Variants in KCNQ1 observed in about 807,000 individuals in gnomAD.
KCNQ1 encodes the protein potassium voltage-gated channel subfamily KQT member 1.
In KCNQ1, 49 loss-of-function variants were observed where a neutral mutation model predicts 72.4. The ratio of observed to expected loss-of-function variants is 0.68; its 90% CI spans 0.54 to 0.86. The LOEUF (loss-of-function observed/expected upper bound fraction) is 0.86, where lower values mean the gene tolerates loss of function less well. Among genes scored for constraint, KCNQ1 ranks in the 40% least tolerant of loss-of-function variants. KCNQ1 has a pLI of 0.00. For missense variants in KCNQ1, 790 were observed against 945.1 expected (o/e 0.84, Z 2.15); for synonymous variants, 450 against 412.6 (o/e 1.09, Z -1.10).
rs534559378 is a variant in KCNQ1, at chr11:2,671,020, G to A, written c.1514+8939G>A. 655 of 398,644 alleles carry A rather than the reference G, an allele frequency of 1.6e-3. 2 individuals are homozygous for A. Among genetic ancestry groups the A allele is most frequent in the Non-Finnish European group, 2.2e-3 (503 of 226,078 alleles). 24.7% of individuals were successfully genotyped at this position (398,644 alleles called of 1,614,324 possible). A position where few individuals can be genotyped will look rare whatever the true frequency, so the allele number is the denominator to read the frequency against. On this transcript the variant is annotated intron_variant, in intron 11 of 15. Transcript: ENST00000155840. The surrounding 1 kb of genome is among the most constrained non-coding windows in gnomAD (Gnocchi z 4.7). Reference sequence around the variant, plus strand: ...ATATGTGGGCCCTGTTAGGGACAACGTAGGTGTCCTGGGCAGGGGCTGTAT... The same window carrying A: ...ATATGTGGGCCCTGTTAGGGACAACATAGGTGTCCTGGGCAGGGGCTGTAT...
rs560313178 is a variant in KCNQ1 at position 2,596,944 on chromosome 11, C to G, written c.1393+8090C>G. On this transcript the variant is annotated intron_variant, in intron 10 of 15. Transcript: ENST00000155840. ...ACTGAAAATAATTTTTTATTGATAA[C>G]CTAAAGAAACCAGTTGCCACTCACC... Among the ~76,000 whole-genome samples the G allele has an allele frequency of 1.1e-4, 16 of 151,410 alleles. No individual in the cohort carries two copies. The East Asian group carries it at 2.5e-3, about 24-fold the overall frequency.
At chr11:2,795,876 C>T (rs1448862938) in intron 15 of KCNQ1, among the ~76,000 whole-genome samples, 1 of 152,172 alleles carries the variant, frequency 6.6e-6, no homozygotes, top group Non-Finnish European at 1.5e-5. Context: ...GGGGCGGGGG[C>T]CGGGGGAACA....
At chr11:2,692,889 C>A (rs1850611307) in intron 11 of KCNQ1, 7 of 398,202 alleles carry the variant, frequency 1.8e-5, no homozygotes, top group Non-Finnish European at 3.1e-5. Flanking sequence ...GTAGATGCAG[C>A]AAGCTGGCTA....
chr11:2,566,527 G>C lies in KCNQ1; in HGVS notation c.478-4101G>C, dbSNP rs1848250594. ...CATTATGTGGGTCTGTGTTTGCTCT[G>C]TGCACGTCTCGGTGCCCAGATCTGA... is the stretch of plus-strand genomic sequence containing the variant. On this transcript the variant is annotated intron_variant, in intron 2 of 15. Coordinates refer to ENST00000155840, the MANE Select transcript of KCNQ1 (RefSeq NM_000218.3). The surrounding 1 kb of genome is among the most constrained non-coding windows in gnomAD (Gnocchi z 6.7). 2.0e-5 allele frequency among the ~76,000 whole-genome samples: 3 copies of C among 152,046 alleles called. No individual in the cohort carries two copies.
chr11:2,622,804 C>T (rs1009796991), intron 10 of KCNQ1: 9 of 398,526 alleles, frequency 2.3e-5, no homozygotes, highest in Non-Finnish European at 4.0e-5. Context: ...TGCACCCATA[C>T]ATACAGAGCT....
At chr11:2,779,352 G>A (rs956512928) in intron 15 of KCNQ1, among the ~76,000 whole-genome samples, 1 of 152,212 alleles carries the variant, frequency 6.6e-6, no homozygotes, top group Non-Finnish European at 1.5e-5. Context: ...CAGTACAGCA[G>A]GGCCGGGTAC....
chr11:2,640,918 C>G lies in KCNQ1; in HGVS notation c.1394-21043C>G, dbSNP rs758637364. On this transcript the variant is annotated intron_variant, in intron 10 of 15. Transcript: ENST00000155840. ...TTATAGCTCCCACATATGATAATAA[C>G]ATAAGATAATTATCTTTCTGTGCCT... is the stretch of plus-strand genomic sequence containing the variant. 1.2e-4 allele frequency: 48 copies of G among 399,436 alleles called. No individual in the cohort carries two copies. The Middle Eastern group carries it at 1.7e-3, about 14-fold the overall frequency. 24.7% of individuals were successfully genotyped at this position (399,436 alleles called of 1,614,324 possible). A position where few individuals can be genotyped will look rare whatever the true frequency, so the allele number is the denominator to read the frequency against.
At chr11:2,719,331 CAA>C (rs34225799) in intron 11 of KCNQ1, among the ~76,000 whole-genome samples, 3 of 125,986 alleles carry the variant, frequency 2.4e-5, no homozygotes. Flanking sequence ...CTGTCTCTAC[CAA>C]AAAAAAAAAA....
chr11:2,676,693 A>ACAGCC lies in KCNQ1; in HGVS notation c.1514+14613_1514+14617dup. 2.5e-6 allele frequency: 1 copy of ACAGCC among 398,658 alleles called. No individual in the cohort carries two copies. The highest frequency in any genetic ancestry group is 4.4e-6 in the Non-Finnish European group (1 of 226,076). 24.7% of individuals were successfully genotyped at this position (398,658 alleles called of 1,614,324 possible). ...TTTCCAAGGGAGCACTAACTGGACT[A>ACAGCC]CAGCCTGGCAGGAGATAACCAAGTC... is the stretch of plus-strand genomic sequence containing the variant. On this transcript the variant is annotated intron_variant, in intron 11 of 15. Coordinates refer to ENST00000155840, the MANE Select transcript of KCNQ1 (RefSeq NM_000218.3). The surrounding 1 kb of genome is among the most constrained non-coding windows in gnomAD (Gnocchi z 4.2).
intron 10 of KCNQ1, chr11:2,628,433 T>G (rs1164931377): frequency 2.5e-6 from 1 of 398,410 alleles, no homozygotes; most frequent in Non-Finnish European, 4.4e-6. Flanking sequence ...TCTGTATGTC[T>G]TCTTTGAATA....
intron 15 of KCNQ1, among the ~76,000 whole-genome samples, chr11:2,780,127 C>T (rs1052200883): frequency 6.6e-6 from 1 of 152,170 alleles, no homozygotes; most frequent in Non-Finnish European, 1.5e-5. Context: ...AATCTCAGCC[C>T]CGCTGAGGGG....
chr11:2,648,625 G>A (rs1049674550), intron 10 of KCNQ1: 2 of 398,318 alleles, frequency 5.0e-6, no homozygotes, highest in Admixed American at 8.8e-5. Flanking sequence ...TTCCATTGTG[G>A]TCTGAGAAGA....
chr11:2,456,306 A>C (rs906045334), intron 1 of KCNQ1, among the ~76,000 whole-genome samples: 4 of 152,178 alleles, frequency 2.6e-5, no homozygotes, highest in African/African-American at 9.7e-5. Flanking sequence ...TCAAAACAAA[A>C]AAAAAAAAAT....
At chr11:2,751,773 T>C (rs778277082) in intron 11 of KCNQ1, among the ~76,000 whole-genome samples, 2 of 152,240 alleles carry the variant, frequency 1.3e-5, no homozygotes, top group Admixed American at 6.5e-5. Flanking sequence ...CTGGTCCCCA[T>C]AGCCAAGGTG....
chr11:2,720,642 G>A lies in KCNQ1; in HGVS notation c.1515-48202G>A, dbSNP rs898443106. Among the ~76,000 whole-genome samples the A allele has an allele frequency of 2.0e-5, 3 of 152,114 alleles. No individual in the cohort carries two copies. Among genetic ancestry groups the A allele is most frequent in the Admixed American group, 2.0e-4 (3 of 15,276 alleles). On this transcript the variant is annotated intron_variant, in intron 11 of 15. Transcript: ENST00000155840. The surrounding 1 kb of genome is among the most constrained non-coding windows in gnomAD (Gnocchi z 5.1). The stretch of plus-strand genomic sequence containing the variant: ...CAGCCTGGGTGTCAAGGCTGAAGAG[G>A]GGAGCCTCCTTGGCCACTGAAACGG...
rs536046009 is a variant in KCNQ1, at chr11:2,549,920, C to G, written c.478-20708C>G. 6.6e-6 allele frequency among the ~76,000 whole-genome samples: 1 copy of G among 152,172 alleles called. No individual in the cohort carries two copies. The highest frequency in any genetic ancestry group is 1.9e-4 in the East Asian group (1 of 5,176). On this transcript the variant is annotated intron_variant, in intron 2 of 15. Coordinates refer to ENST00000155840, the MANE Select transcript of KCNQ1 (RefSeq NM_000218.3). This position sits in a 1 kb window ranked among gnomAD's most constrained non-coding sequence, Gnocchi z 6.2. Reference sequence around the variant, plus strand: ...GTTCCGGCTCCTTGCCCACCGCCCCCGCCACCCAGCGCGAGCCGCGTAGAG... The same window carrying G: ...GTTCCGGCTCCTTGCCCACCGCCCCGGCCACCCAGCGCGAGCCGCGTAGAG...
rs1846602565 is a variant in KCNQ1, at chr11:2,478,339, T to C, written c.386+32855T>C. Among the ~76,000 whole-genome samples, 3 of 152,192 alleles carry C rather than the reference T, an allele frequency of 2.0e-5. No individual in the cohort carries two copies. The highest frequency in any genetic ancestry group is 2.0e-4 in the Admixed American group (3 of 15,282). ...TCCACTATGTTATGTATTAGTCCAT[T>C]TTCAAATTACTGATAAAGACATACC... is the stretch of plus-strand genomic sequence containing the variant. On this transcript the variant is annotated intron_variant, in intron 1 of 15. Transcript: ENST00000155840. The surrounding 1 kb of genome is among the most constrained non-coding windows in gnomAD (Gnocchi z 4.0).
chr11:2,696,126 AAGTTCATACATTTT>A, intron 11 of KCNQ1: 1 of 398,638 alleles, frequency 2.5e-6, no homozygotes, highest in South Asian at 1.3e-4. Context: ...TAATGCATTC[AAGTTCATACATTTT>A]AGTCTTGAGG....
chr11:2,670,975 G>A lies in KCNQ1; in HGVS notation c.1514+8894G>A, dbSNP rs1850172843. On this transcript the variant is annotated intron_variant, in intron 11 of 15. Transcript: ENST00000155840. The surrounding 1 kb of genome is among the most constrained non-coding windows in gnomAD (Gnocchi z 4.9). ...TTCTTATGGTGCCCCAGAGCCCCTGGCTAGGCATTCATGCTTTAGATATGT... is the reference window on the plus strand; with the variant it reads ...TTCTTATGGTGCCCCAGAGCCCCTGACTAGGCATTCATGCTTTAGATATGT... 2.5e-6 allele frequency: 1 copy of A among 398,542 alleles called. No homozygotes were observed. The highest frequency in any genetic ancestry group is 2.1e-5 in the African/African-American group (1 of 48,632). 24.7% of individuals were successfully genotyped at this position (398,542 alleles called of 1,614,324 possible). A position where few individuals can be genotyped will look rare whatever the true frequency, so the allele number is the denominator to read the frequency against.
Sources: allele counts gnomAD v4.1 joint callset (sites outside exome capture counted in the v4.1 genomes callset), GRCh38; gene constraint gnomAD v4.1.1; non-coding constraint Gnocchi (gnomAD v3.1); transcripts MANE v1.5; gene names NCBI Gene and HGNC (gene_info 2026-07-23, HGNC 2026-07-21).